The following MYO16 variants were observed in gnomAD, a reference collection of about 807,000 sequenced individuals.
The protein encoded by MYO16 is myosin XVI, also known as unconventional myosin-XVI.
In MYO16, 94 loss-of-function variants were observed where a neutral mutation model predicts 205.3. The observed-to-expected ratio is 0.46, with a 90% confidence interval of 0.39 to 0.54. The LOEUF (loss-of-function observed/expected upper bound fraction) is 0.54. Ranked by LOEUF, MYO16 falls within the 20% of genes least tolerant of loss-of-function variation. The pLI, the probability that MYO16 is intolerant of heterozygous loss-of-function variation, is 0.00. For synonymous variants in MYO16, 988 were observed against 954.0 expected, an observed-to-expected ratio of 1.04 and a Z score of -0.66; for missense variants, 2,315 against 2,387.5, an observed-to-expected ratio of 0.97 and a Z score of 0.63.
At chr13:108,516,193 A>G in the MYO16 span, among the ~76,000 whole-genome samples, 3 of 152,044 alleles carry the variant, frequency 2.0e-5, no homozygotes, top group Admixed American at 2.0e-4. Context: ...CCATTTTTTA[A>G]GCCGGTCTGA....
chr13:108,719,711 C>T (rs1167599254), intron 3 of MYO16, among the ~76,000 whole-genome samples: 2 of 152,176 alleles, frequency 1.3e-5, no homozygotes, highest in African/African-American at 4.8e-5. Flanking sequence ...CTCCTGTGTT[C>T]CCGTATTCAA....
At chr13:108,642,075 T>C (rs189827073) in intron 1 of MYO16, among the ~76,000 whole-genome samples, 202 of 152,286 alleles carry the variant, frequency 1.3e-3, no homozygotes, top group African/African-American at 4.1e-3. Flanking sequence ...AATTTCCTCA[T>C]TTGAAAAATG....
intron 7 of MYO16, among the ~76,000 whole-genome samples, chr13:108,816,022 T>C (rs764313974): frequency 5.3e-5 from 8 of 152,176 alleles, no homozygotes; most frequent in Non-Finnish European, 8.8e-5. Context: ...TGATTTCCTA[T>C]GAAAGTCTCA....
chr13:108,940,127 G>C (rs11617281), intron 16 of MYO16, among the ~76,000 whole-genome samples: 10,003 of 151,936 alleles, frequency 0.066, 453 homozygotes, highest in Admixed American at 0.14. Flanking sequence ...GATAATCTTA[G>C]AAAAATAAAA....
chr13:108,974,235 C>A (rs1224960524), intron 20 of MYO16, among the ~76,000 whole-genome samples: 2 of 152,006 alleles, frequency 1.3e-5, no homozygotes, highest in African/African-American at 4.8e-5. Flanking sequence ...ATATTTTTTG[C>A]TGTTCATATT....
intron 4 of MYO16, among the ~76,000 whole-genome samples, chr13:108,734,244 A>G (rs968370136): frequency 2.6e-5 from 4 of 151,934 alleles, no homozygotes; most frequent in African/African-American, 9.7e-5. Flanking sequence ...TCTTTGATGC[A>G]ATAAAACAAA....
intron 20 of MYO16, among the ~76,000 whole-genome samples, chr13:108,973,067 T>A (rs1884116813): frequency 6.6e-6 from 1 of 151,942 alleles, no homozygotes; most frequent in African/African-American, 2.4e-5. Flanking sequence ...GAAACAGGAA[T>A]GAAAGCTCAA....
At chr13:108,989,751 A>T (rs561062741) in intron 20 of MYO16, among the ~76,000 whole-genome samples, 2,217 of 152,282 alleles carry the variant, frequency 0.015, 35 homozygotes, top group Middle Eastern at 0.061. Flanking sequence ...GGAAGGCTCT[A>T]CCGATTTAAA....
the MYO16 span, among the ~76,000 whole-genome samples, chr13:108,538,171 G>T: frequency 6.6e-6 from 1 of 151,898 alleles, no homozygotes; most frequent in Non-Finnish European, 1.5e-5. Flanking sequence ...TTTATGTATG[G>T]GAGATAATTT....
intron 16 of MYO16, among the ~76,000 whole-genome samples, chr13:108,917,998 T>A (rs191880441): frequency 1.4e-4 from 21 of 152,370 alleles, no homozygotes; most frequent in Non-Finnish European, 2.6e-4. Context: ...CTTTGTTAAC[T>A]AACCAGCATG....
At chr13:108,911,160 A>G (rs1296265941) in intron 16 of MYO16, among the ~76,000 whole-genome samples, 4 of 151,922 alleles carry the variant, frequency 2.6e-5, no homozygotes, top group African/African-American at 9.7e-5. Context: ...GCGGGGGGCA[A>G]CTTCCCCAGC....
chr13:108,773,544 T>G (rs1051911323), intron 4 of MYO16, among the ~76,000 whole-genome samples: 1 of 152,090 alleles, frequency 6.6e-6, no homozygotes, highest in Non-Finnish European at 1.5e-5. Flanking sequence ...GCCTTCCCTC[T>G]GCGTGTGTGT....
chr13:108,617,724 G>A (rs538013883), intron 1 of MYO16, among the ~76,000 whole-genome samples: 2 of 152,204 alleles, frequency 1.3e-5, no homozygotes, highest in East Asian at 1.9e-4. Context: ...ACCAGCAAAC[G>A]CTGTGCATAG....
At chr13:108,868,825 C>A (rs1330228957) in intron 12 of MYO16, among the ~76,000 whole-genome samples, 1 of 150,590 alleles carries the variant, frequency 6.6e-6, no homozygotes, top group East Asian at 2.0e-4. Flanking sequence ...GAGGCTGAGG[C>A]AGGAGAATCG....
intron 27 of MYO16, among the ~76,000 whole-genome samples, chr13:109,082,971 A>T (rs187897955): frequency 1.3e-5 from 2 of 152,214 alleles, no homozygotes; most frequent in Non-Finnish European, 2.9e-5. Context: ...CAGAAGATAT[A>T]TATTTGAATA....
the MYO16 span, among the ~76,000 whole-genome samples, chr13:108,550,857 C>T: frequency 6.6e-6 from 1 of 152,122 alleles, no homozygotes; most frequent in Non-Finnish European, 1.5e-5. Flanking sequence ...TAACTTGCTC[C>T]TTGACAGTGT....
At chr13:108,636,130 G>A (rs1312733565) in intron 1 of MYO16, among the ~76,000 whole-genome samples, 1 of 151,788 alleles carries the variant, frequency 6.6e-6, no homozygotes, top group Non-Finnish European at 1.5e-5. Context: ...AAATATATTT[G>A]CATCCATTTC....
chr13:108,650,661 G>C (rs1880959803), intron 1 of MYO16, among the ~76,000 whole-genome samples: 1 of 152,182 alleles, frequency 6.6e-6, no homozygotes, highest in African/African-American at 2.4e-5. Context: ...GATATAGCCT[G>C]TTTGGGCCAG....
chr13:108,876,217 G>A (rs1298574142), intron 12 of MYO16, among the ~76,000 whole-genome samples: 1 of 152,028 alleles, frequency 6.6e-6, no homozygotes, highest in Non-Finnish European at 1.5e-5. Context: ...AATGAAAAAA[G>A]TTCAAGCAGA....
Sources: gnomAD v4.1 joint callset for allele counts (sites outside exome capture counted in the v4.1 genomes callset) on GRCh38, gnomAD v4.1.1 for gene constraint, MANE v1.5 for transcripts, NCBI Gene and HGNC (gene_info 2026-07-23, HGNC 2026-07-21) for gene names.